Variants in ATP2B2 observed in about 807,000 individuals in gnomAD.
ATP2B2 encodes ATPase plasma membrane Ca2+ transporting 2.
A neutral mutation model predicts 120.0 loss-of-function variants in ATP2B2; 15 were observed. The ratio of observed to expected loss-of-function variants is 0.12; its 90% CI spans 0.08 to 0.19. ATP2B2 has a LOEUF of 0.19. Ranked by LOEUF, ATP2B2 falls within the 10% of genes least tolerant of loss-of-function variation. The pLI, the probability that ATP2B2 is intolerant of heterozygous loss-of-function variation, is 1.00. For missense variants in ATP2B2, 1,045 were observed against 1,719.8 expected (o/e 0.61, Z 6.94); for synonymous variants, 694 against 700.3 (o/e 0.99, Z 0.14).
intron 1 of ATP2B2, among the ~76,000 whole-genome samples, chr3:10,467,322 T>C (rs1420340923): frequency 6.6e-6 from 1 of 152,222 alleles, no homozygotes; most frequent in Non-Finnish European, 1.5e-5. Flanking sequence ...GGCTATTCCC[T>C]GCCTTCTGCT....
chr3:10,667,703 C>T (rs577943750), intron 1 of ATP2B2, among the ~76,000 whole-genome samples: 11 of 152,134 alleles, frequency 7.2e-5, no homozygotes, highest in Non-Finnish European at 1.5e-4. Context: ...TAACGTGTCC[C>T]CCAGTGGCAG....
At chr3:10,464,255 G>T (rs879562591) in intron 1 of ATP2B2, among the ~76,000 whole-genome samples, 10 of 152,174 alleles carry the variant, frequency 6.6e-5, no homozygotes, top group African/African-American at 1.9e-4. Context: ...GCGACAGAAG[G>T]GGGTGCGGGT....
At chr3:10,615,878 T>G (rs1456121848) in intron 2 of ATP2B2, among the ~76,000 whole-genome samples, 1 of 152,044 alleles carries the variant, frequency 6.6e-6, no homozygotes, top group African/African-American at 2.4e-5. Flanking sequence ...ACTATTTTGC[T>G]ATGGCCTTGA....
intron 2 of ATP2B2, among the ~76,000 whole-genome samples, chr3:10,576,673 C>A (rs2125553416): frequency 6.6e-6 from 1 of 152,112 alleles, no homozygotes; most frequent in Non-Finnish European, 1.5e-5. Flanking sequence ...AGCCACCACA[C>A]CTGGCTCAGA....
At chr3:10,617,951 A>G (rs1181283291) in intron 2 of ATP2B2, among the ~76,000 whole-genome samples, 1 of 152,072 alleles carries the variant, frequency 6.6e-6, no homozygotes, top group Non-Finnish European at 1.5e-5. Context: ...TGACCCCACT[A>G]GAATAGCCAC....
At chr3:10,520,501 C>T (rs933452899) in intron 3 of ATP2B2, among the ~76,000 whole-genome samples, 1 of 152,168 alleles carries the variant, frequency 6.6e-6, no homozygotes, top group Non-Finnish European at 1.5e-5. Context: ...GACAGAGTCT[C>T]ATTCTGTCAC....
At chr3:10,601,594 G>A (rs938985156) in intron 2 of ATP2B2, among the ~76,000 whole-genome samples, 1 of 152,228 alleles carries the variant, frequency 6.6e-6, no homozygotes, top group African/African-American at 2.4e-5. Flanking sequence ...AGCATTCTCT[G>A]TCTGTCTCAG....
chr3:10,511,488 G>C (rs894241586), intron 3 of ATP2B2, among the ~76,000 whole-genome samples: 1 of 152,216 alleles, frequency 6.6e-6, no homozygotes, highest in Non-Finnish European at 1.5e-5. Context: ...GTTTTGGATG[G>C]TGTTTGCATC....
intron 12 of ATP2B2, among the ~76,000 whole-genome samples, chr3:10,361,081 C>T (rs183894329): frequency 9.2e-5 from 14 of 152,304 alleles, no homozygotes; most frequent in Admixed American, 2.6e-4. Flanking sequence ...AGCTGCTGTA[C>T]GTGCTGATAA....
At chr3:10,464,733 G>T (rs1287530966) in intron 1 of ATP2B2, among the ~76,000 whole-genome samples, 1 of 152,220 alleles carries the variant, frequency 6.6e-6, no homozygotes, top group Non-Finnish European at 1.5e-5. Context: ...CCCTCCCAGG[G>T]TTGTTGGGAG....
rs570315727 is a variant in ATP2B2 at position 10,467,007 on chromosome 3, C to T, written c.-319-17145G>A. 2.0e-5 allele frequency among the ~76,000 whole-genome samples: 3 copies of T among 152,316 alleles called. No individual in the cohort carries two copies. In the South Asian group the frequency reaches 6.2e-4, roughly 32 times the overall value. The stretch of plus-strand genomic sequence containing the variant: ...AGTCTGCCATTAGCTGCTCCTGCTC[C>T]ACCTTCTTCTCTTTTTGGCCTCAGT... On this transcript the variant is annotated intron_variant, in intron 1 of 22. Transcript: ENST00000360273.
intron 3 of ATP2B2, among the ~76,000 whole-genome samples, chr3:10,514,516 GC>G (rs998306055): frequency 3.9e-5 from 6 of 152,160 alleles, no homozygotes; most frequent in African/African-American, 1.4e-4. Flanking sequence ...GCGCATCAGG[GC>G]TGGAGGTGCC....
upstream of ATP2B2, among the ~76,000 whole-genome samples, chr3:10,506,766 C>T (rs551919293): frequency 2.7e-4 from 41 of 152,282 alleles, 1 homozygote; most frequent in South Asian, 3.7e-3. Context: ...CTGGAGGCGG[C>T]CCCGGGAGGC....
chr3:10,479,394 A>G (rs2065319526), intron 1 of ATP2B2, among the ~76,000 whole-genome samples: 1 of 151,542 alleles, frequency 6.6e-6, no homozygotes, highest in South Asian at 2.1e-4. Flanking sequence ...CCTCCCTATC[A>G]TCACCTAGTA....
chr3:10,426,975 G>T (rs574051481), intron 2 of ATP2B2, among the ~76,000 whole-genome samples: 135 of 152,240 alleles, frequency 8.9e-4, no homozygotes, highest in African/African-American at 3.2e-3. Flanking sequence ...TTTAGAAACC[G>T]CATTCACATC....
chr3:10,397,543 G>A (rs1370557681), intron 5 of ATP2B2, among the ~76,000 whole-genome samples: 1 of 152,182 alleles, frequency 6.6e-6, no homozygotes. Flanking sequence ...GGCAGTGGTG[G>A]TCAGGGAAGC....
intron 12 of ATP2B2, among the ~76,000 whole-genome samples, chr3:10,363,980 C>T (rs1021583563): frequency 3.3e-5 from 5 of 152,206 alleles, no homozygotes; most frequent in African/African-American, 7.2e-5. Context: ...ACACAACCAA[C>T]GTGTCCATCA....
intron 1 of ATP2B2, chr3:10,626,045 A>G (rs1177993587): frequency 1.1e-5 from 1 of 93,604 alleles, no homozygotes; most frequent in East Asian, 3.0e-4. Context: ...ATTTTGGTTG[A>G]AAAAAAGTGA....
Position 10,328,559 on chromosome 3 carries a change from T to TAATAAA in ATP2B2, c.*254_*255insTTTATT. On this transcript the variant is annotated 3_prime_UTR_variant, in exon 23 of 23. Coordinates refer to ENST00000360273, the MANE Select transcript of ATP2B2 (RefSeq NM_001001331.4). ...TGGGTGGGAGCCAGGAAGGGCTTGT[T>TAATAAA]TTGGGAAAACCGCTCACTCCCGTAA... The TAATAAA allele has an allele frequency of 2.1e-6, 1 of 465,716 alleles. No homozygotes were observed. The highest frequency in any genetic ancestry group is 3.8e-6 in the Non-Finnish European group (1 of 261,844). 28.8% of individuals were successfully genotyped at this position (465,716 alleles called of 1,614,324 possible). A position where few individuals can be genotyped will look rare whatever the true frequency, so the allele number is the denominator to read the frequency against.
Sources: allele counts gnomAD v4.1 joint callset (sites outside exome capture counted in the v4.1 genomes callset), GRCh38; gene constraint gnomAD v4.1.1; transcripts MANE v1.5; gene names NCBI Gene and HGNC (gene_info 2026-07-23, HGNC 2026-07-21).